Variants in CASK observed in about 807,000 individuals in gnomAD.
CASK encodes the protein peripheral plasma membrane protein CASK.
CASK carries 4 observed loss-of-function variants against 82.9 expected under a neutral mutation model. The observed-to-expected ratio is 0.05, with a 90% CI of 0.02 to 0.11. The LOEUF (loss-of-function observed/expected upper bound fraction) is 0.11. Among genes scored for constraint, CASK ranks in the 10% least tolerant of loss-of-function variants. The pLI is 1.00. For synonymous variants in CASK, 259 were observed against 253.5 expected (o/e 1.02, Z -0.20); for missense variants, 358 against 720.9 (o/e 0.50, Z 5.76).
chrX:41,531,118 G>C lies in CASK; in HGVS notation c.2409C>G (p.Asn803Lys). The C allele has an allele frequency of 8.3e-7, 1 of 1,206,225 alleles. No homozygotes were observed. Among genetic ancestry groups the C allele is most frequent in the Non-Finnish European group, 1.1e-6 (1 of 890,373 alleles). ...HDQMMQDISNNEYLEYGSHED... is the reference protein window; with the variant it reads ...HDQMMQDISNKEYLEYGSHED... ...CGTGGCTGCCGTACTCCAAGTACTC[G>C]TTATTAGAGATGTCTTGCATCATTT... Residue 803 changes from asparagine (N) to lysine (K), a missense_variant, in exon 25 of 27, where the codon AAC (asparagine) becomes AAG (lysine). Transcript: ENST00000378163.
intron 3 of CASK, among the ~76,000 whole-genome samples, chrX:41,770,295 T>TCTATCTATCTAC (rs201602205): frequency 1.4e-3 from 129 of 93,108 alleles, no homozygotes; most frequent in East Asian, 4.1e-3. Context: ...TATCTATCTA[T>TCTATCTATCTAC]CTACCTACCT....
intron 11 of CASK, among the ~76,000 whole-genome samples, chrX:41,610,397 G>A (rs1252803744): frequency 8.9e-6 from 1 of 111,858 alleles, no homozygotes; most frequent in Non-Finnish European, 1.9e-5. Context: ...TTATAGAAAC[G>A]AGGTTGGCCT....
At chrX:41,687,133 G>C in intron 5 of CASK, among the ~76,000 whole-genome samples, 1 of 111,845 alleles carries the variant, frequency 8.9e-6, no homozygotes, top group Non-Finnish European at 1.9e-5. Context: ...TTAGGTGTAG[G>C]AAAATAATAT....
chrX:41,831,435 C>T (rs1476794233), intron 2 of CASK, among the ~76,000 whole-genome samples: 1 of 111,935 alleles, frequency 8.9e-6, no homozygotes, highest in African/African-American at 3.2e-5. Flanking sequence ...ATATGAACAG[C>T]ACCTAGCAAC....
At chrX:41,720,625 C>T (rs1256477273) in intron 5 of CASK, among the ~76,000 whole-genome samples, 1 of 111,789 alleles carries the variant, frequency 8.9e-6, no homozygotes, top group African/African-American at 3.3e-5. Context: ...AGTTTAAACA[C>T]TAGTTTGGAT....
At chrX:41,657,473 T>G (rs772650892) in intron 8 of CASK, among the ~76,000 whole-genome samples, 2 of 112,446 alleles carry the variant, frequency 1.8e-5, no homozygotes, top group Non-Finnish European at 3.8e-5. Context: ...CTGAATGAGA[T>G]TCTAGTAATG....
intron 3 of CASK, among the ~76,000 whole-genome samples, chrX:41,770,478 C>T (rs768392967): frequency 9.0e-6 from 1 of 110,526 alleles, no homozygotes; most frequent in African/African-American, 3.3e-5. Flanking sequence ...CTCCACCTCC[C>T]GGGTTCAAGC....
intron 2 of CASK, among the ~76,000 whole-genome samples, chrX:41,810,844 C>T (rs1362161956): frequency 9.0e-5 from 10 of 111,459 alleles, no homozygotes; most frequent in Non-Finnish European, 1.3e-4. Flanking sequence ...ACACATCTCA[C>T]GTGCAGAGAC....
At chrX:41,804,955 T>A (rs1452068513) in intron 2 of CASK, among the ~76,000 whole-genome samples, 1 of 112,200 alleles carries the variant, frequency 8.9e-6, no homozygotes, top group Admixed American at 9.4e-5. Flanking sequence ...ATAAATACAA[T>A]GCTCTGTACC....
In CASK at chrX:41,702,868, G is replaced by A. The variant is rs182218714; in HGVS notation, c.430-31338C>T. Reference sequence around the variant, plus strand: ...TAACCATCACACATTTATATACTCTGGAAGCTCTCTCTGAAACATGTACGA... The same window carrying A: ...TAACCATCACACATTTATATACTCTAGAAGCTCTCTCTGAAACATGTACGA... On this transcript the variant is annotated intron_variant, in intron 5 of 26. Transcript: ENST00000378163. Among the ~76,000 whole-genome samples the A allele has an allele frequency of 2.3e-3, 253 of 112,147 alleles. 2 individuals carry two copies. Among genetic ancestry groups the A allele is most frequent in the Non-Finnish European group, 2.8e-3 (150 of 53,203 alleles).
At chrX:41,597,646 G>A (rs895813490) in intron 12 of CASK, among the ~76,000 whole-genome samples, 2 of 112,049 alleles carry the variant, frequency 1.8e-5, no homozygotes, top group African/African-American at 6.5e-5. Flanking sequence ...AGTGAACTGA[G>A]CAGATCAGCC....
chrX:41,630,250 A>G (rs1030844236), intron 9 of CASK, among the ~76,000 whole-genome samples: 7 of 112,124 alleles, frequency 6.2e-5, no homozygotes, highest in African/African-American at 2.3e-4. Flanking sequence ...GTGGCATTTA[A>G]GGAAGTGGAA....
At position 41,566,694 on chromosome X, in the gene CASK, A is replaced by C. The variant is rs189075429; in HGVS notation, c.1582+2974T>G. Among the ~76,000 whole-genome samples the C allele has an allele frequency of 7.2e-5, 8 of 111,855 alleles. No homozygotes were observed. In the East Asian group the frequency reaches 8.4e-4, roughly 12 times the overall value. ...TTTATAGATTCAATGCCATCCCCATAAAACTACCAATGACTTTCTTCACAG... is the reference window on the plus strand; with the variant it reads ...TTTATAGATTCAATGCCATCCCCATCAAACTACCAATGACTTTCTTCACAG... On this transcript the variant is annotated intron_variant, in intron 16 of 26. Coordinates refer to ENST00000378163, the MANE Select transcript of CASK (RefSeq NM_001367721.1).
chrX:41,692,827 G>GT (rs1448812322), intron 5 of CASK, among the ~76,000 whole-genome samples: 1 of 111,865 alleles, frequency 8.9e-6, no homozygotes, highest in Non-Finnish European at 1.9e-5. Context: ...CTAAAGATGG[G>GT]TTTTTCGTTG....
intron 3 of CASK, among the ~76,000 whole-genome samples, chrX:41,783,504 G>A (rs1428575722): frequency 5.7e-5 from 6 of 105,489 alleles, no homozygotes; most frequent in East Asian, 5.9e-4. Context: ...AGCCAAGATC[G>A]CGCCGCTGCA....
At chrX:41,562,662 T>G (rs758068694) in intron 16 of CASK, 1 of 111,448 alleles carries the variant, frequency 9.0e-6, no homozygotes, top group South Asian at 3.7e-4. Context: ...AATAGAAATA[T>G]AAAAATACTT....
chrX:41,832,693 C>A (rs188684652), intron 2 of CASK, among the ~76,000 whole-genome samples: 1 of 112,609 alleles, frequency 8.9e-6, no homozygotes, highest in East Asian at 2.8e-4. Context: ...TATTTGTCCA[C>A]AGATCAATAT....
intron 3 of CASK, among the ~76,000 whole-genome samples, chrX:41,759,635 C>A (rs940070007): frequency 2.7e-5 from 3 of 111,605 alleles, no homozygotes; most frequent in Non-Finnish European, 3.8e-5. Flanking sequence ...CCCTACACAT[C>A]GGTTTTAGGC....
chrX:41,520,522 T>A lies in CASK; in HGVS notation c.2679A>T (p.Thr893=). The change falls in exon 27 of 27, where the codon ACA becomes ACT. Residue 893 remains threonine, a synonymous_variant. Transcript: ENST00000378163. The part of the protein sequence containing the change: ...QRTYAHYFDL[T]IINNEIDETI... Reference sequence around the variant, plus strand: ...TCTCATCAATTTCATTGTTGATAATTGTGAGATCGAAGTAGTGTGCATATG... The same window carrying A: ...TCTCATCAATTTCATTGTTGATAATAGTGAGATCGAAGTAGTGTGCATATG... The A allele has an allele frequency of 8.3e-7, 1 of 1,205,146 alleles. No individual in the cohort carries two copies. Among genetic ancestry groups the A allele is most frequent in the Middle Eastern group, 2.3e-4 (1 of 4,316 alleles).
Sources: allele counts gnomAD v4.1 joint callset (sites outside exome capture counted in the v4.1 genomes callset), GRCh38; gene constraint gnomAD v4.1.1; transcripts MANE v1.5; gene names NCBI Gene and HGNC (gene_info 2026-07-23, HGNC 2026-07-21).